Variants in GINS2 observed in about 807,000 individuals in gnomAD.
The protein encoded by GINS2 is DNA replication complex GINS protein PSF2.
In GINS2, 23 loss-of-function variants were observed where a neutral mutation model predicts 21.2. The ratio of observed to expected loss-of-function variants is 1.08; its 90% CI spans 0.78 to 1.53. The LOEUF is 1.53. Among genes scored for constraint, GINS2 ranks in the 40% most tolerant of loss-of-function variants. The pLI is 0.00. For missense variants in GINS2, 323 were observed against 233.9 expected, an observed-to-expected ratio of 1.38 and a Z score of -2.49; for synonymous variants, 118 against 85.6, an observed-to-expected ratio of 1.38 and a Z score of -2.09.
intron 2 of GINS2, among the ~76,000 whole-genome samples, chr16:85,684,010 T>C (rs145309666): frequency 1.3e-5 from 2 of 152,266 alleles, no homozygotes; most frequent in East Asian, 1.9e-4. Context: ...AAAAGAAACA[T>C]ATCCATGAAA....
chr16:85,688,754 A>C, intron 1 of GINS2, 55 bp downstream of exon 1: 1 of 1,128,358 alleles, frequency 8.9e-7, no homozygotes, highest in East Asian at 3.1e-5. Flanking sequence ...GCCACGCGGG[A>C]GCCCCGGACG....
chr16:85,681,681 T>C lies in GINS2; in HGVS notation c.206A>G (p.Glu69Gly). 2 of 1,587,842 alleles carry C rather than the reference T, an allele frequency of 1.3e-6. No homozygotes were observed. The highest frequency in any genetic ancestry group is 8.6e-7 in the Non-Finnish European group (1 of 1,156,978). ...RLLPPEWMDV[E>G]KLEKMRDHER... The stretch of plus-strand genomic sequence containing the variant: ...ATGATCCCTCATCTTCTCCAACTTT[T>C]CTGAAATTTAGAAGTTAATACATTT... Residue 69 changes from glutamate to glycine, a missense_variant and splice_region_variant, in exon 3 of 5, where the codon GAA becomes GGA. Coordinates refer to ENST00000253462, the MANE Select transcript of GINS2 (RefSeq NM_016095.3).
intron 1 of GINS2, among the ~76,000 whole-genome samples, chr16:85,688,287 C>T (rs1210613039): frequency 6.6e-6 from 1 of 152,192 alleles, no homozygotes; most frequent in Non-Finnish European, 1.5e-5. Flanking sequence ...GTGGCTCCCG[C>T]CTGTCATCCC....
chr16:85,678,281 C>A lies in GINS2; in HGVS notation c.489G>T (p.Ala163=). 6.8e-6 allele frequency: 11 copies of A among 1,612,928 alleles called. No homozygotes were observed. Among genetic ancestry groups the A allele is most frequent in the Non-Finnish European group, 8.5e-6 (10 of 1,178,980 alleles). The change falls in exon 5 of 5, where the codon GCG becomes GCT. Residue 163 remains alanine, a synonymous_variant. Transcript: ENST00000253462. Reference sequence around the variant, plus strand: ...TGCGGAGTTTGTACATGTGGTTGAGCGCTTGTGTGAGGAAAGTCCCGCTGG... The same window carrying A: ...TGCGGAGTTTGTACATGTGGTTGAGAGCTTGTGTGAGGAAAGTCCCGCTGG... ...INTSGTFLTQ[A]LNHMYKLRTN...
Position 85,678,413 on chromosome 16 carries a change from A to G in GINS2, c.433-76T>C, listed in dbSNP as rs942410596. 8.3e-6 allele frequency: 13 copies of G among 1,572,142 alleles called. 1 individual carries two copies. In the East Asian group the frequency reaches 1.3e-4, roughly 16 times the overall value. Reference sequence around the variant, plus strand: ...AAAAGGTAAACTCTACTGAATAAAAATAAGAAACCAATGAACTGTTGAAAA... The same window carrying G: ...AAAAGGTAAACTCTACTGAATAAAAGTAAGAAACCAATGAACTGTTGAAAA... On this transcript the variant is annotated intron_variant, in intron 4 of 4. Transcript: ENST00000253462.
chr16:85,678,886 G>T, intron 3 of GINS2, among the ~76,000 whole-genome samples: 1 of 152,188 alleles, frequency 6.6e-6, no homozygotes, highest in East Asian at 1.9e-4. Context: ...CTATCCCATG[G>T]CAGGCTGCTG....
intron 3 of GINS2, among the ~76,000 whole-genome samples, chr16:85,679,808 A>G (rs2152051027): frequency 6.6e-6 from 1 of 152,194 alleles, no homozygotes; most frequent in African/African-American, 2.4e-5. Flanking sequence ...CACCACCACT[A>G]CAGTCTCTCT....
At chr16:85,685,292 T>G (rs1224905274) in intron 2 of GINS2, among the ~76,000 whole-genome samples, 1 of 152,132 alleles carries the variant, frequency 6.6e-6, no homozygotes, top group Non-Finnish European at 1.5e-5. Flanking sequence ...GGGGTCTAGA[T>G]GGGACAAAAG....
At chr16:85,687,352 G>A (rs1486100673) in intron 2 of GINS2, 108 bp downstream of exon 2, 2 of 596,770 alleles carry the variant, frequency 3.4e-6, no homozygotes, top group African/African-American at 3.8e-5. Context: ...AACAGAGGGA[G>A]CACGGACCTA....
At position 85,685,877 on chromosome 16, in the gene GINS2, G is replaced by A. The variant is rs1433877521; in HGVS notation, c.205+1583C>T. On this transcript the variant is annotated intron_variant, in intron 2 of 4. Coordinates refer to ENST00000253462, the MANE Select transcript of GINS2 (RefSeq NM_016095.3). ...TACCCCCAATAAGTCCCAGTAAGGA[G>A]GGGGCAGTCAAAATCACTCACGGCT... Among the ~76,000 whole-genome samples, 4 of 151,546 alleles carry A rather than the reference G, an allele frequency of 2.6e-5. No homozygotes were observed. The East Asian group carries it at 7.8e-4, about 29-fold the overall frequency.
intron 3 of GINS2, among the ~76,000 whole-genome samples, chr16:85,680,212 G>T (rs1294035311): frequency 6.6e-6 from 1 of 152,190 alleles, no homozygotes; most frequent in Admixed American, 6.5e-5. Context: ...TTGGTGCATT[G>T]CTGCTTCTCA....
intron 2 of GINS2, among the ~76,000 whole-genome samples, 154 bp downstream of exon 2, chr16:85,687,306 T>G (rs931100025): frequency 1.3e-5 from 2 of 152,256 alleles, no homozygotes; most frequent in African/African-American, 4.8e-5. Context: ...GAGGTGAATC[T>G]GGAAGTATTC....
At chr16:85,687,599 G>A (rs766852232) in intron 1 of GINS2, 25 bp from the exon 2 acceptor site, 10 of 1,368,688 alleles carry the variant, frequency 7.3e-6, no homozygotes, top group East Asian at 2.4e-5. Flanking sequence ...ACAATTCCCC[G>A]TAAGATTGAA....
At chr16:85,678,434 G>A (rs2053703912) in intron 4 of GINS2, 97 bp from the exon 5 acceptor site, 1 of 1,554,706 alleles carries the variant, frequency 6.4e-7, no homozygotes. Context: ...ATGAACTGTT[G>A]AAAAGCACAG....
At chr16:85,680,897 A>G (rs1255964793) in intron 3 of GINS2, among the ~76,000 whole-genome samples, 1 of 152,230 alleles carries the variant, frequency 6.6e-6, no homozygotes, top group Non-Finnish European at 1.5e-5. Flanking sequence ...TAGGCTGTAC[A>G]CTGCTTGAAC....
In GINS2 at chr16:85,676,496, G is replaced by C. The variant is rs1211776431; in HGVS notation, c.*1716C>G. ...CTTTTGGTCCCAGTCTTCCAGGTCT[G>C]ACCCTTCAGTGTCCAAATAACCACC... On this transcript the variant is annotated 3_prime_UTR_variant, in exon 5 of 5. Coordinates refer to ENST00000253462, the MANE Select transcript of GINS2 (RefSeq NM_016095.3). The C allele has an allele frequency of 6.6e-6, 1 of 152,272 alleles. No individual in the cohort carries two copies. Among genetic ancestry groups the C allele is most frequent in the African/African-American group, 2.4e-5 (1 of 41,468 alleles). The allele number at this position is 152,272 out of a possible 1,614,324, so 9.4% of individuals were successfully genotyped here.
chr16:85,686,340 C>T (rs1207726080), intron 2 of GINS2, among the ~76,000 whole-genome samples: 3 of 151,842 alleles, frequency 2.0e-5, no homozygotes, highest in Non-Finnish European at 2.9e-5. Flanking sequence ...ATGGTGTGAA[C>T]CCAGGAGGTG....
rs554213584 is a variant in GINS2 at position 85,685,327 on chromosome 16, G to A, written c.205+2133C>T. 2.6e-5 allele frequency among the ~76,000 whole-genome samples: 4 copies of A among 152,186 alleles called. No homozygotes were observed. In the East Asian group the frequency reaches 7.7e-4, roughly 29 times the overall value. ...GTGCCAGACACTGATTTTAAACAAG[G>A]GGCCTGGAGAGGATGCTGCATTAAT... On this transcript the variant is annotated intron_variant, in intron 2 of 4. Coordinates refer to ENST00000253462, the MANE Select transcript of GINS2 (RefSeq NM_016095.3).
intron 2 of GINS2, among the ~76,000 whole-genome samples, chr16:85,686,059 G>A (rs964781685): frequency 1.3e-5 from 2 of 151,910 alleles, no homozygotes; most frequent in Admixed American, 1.3e-4. Flanking sequence ...AGAAGAAAAA[G>A]ATTTCAAAGG....
Sources: allele counts gnomAD v4.1 joint callset (sites outside exome capture counted in the v4.1 genomes callset), GRCh38; gene constraint gnomAD v4.1.1; transcripts MANE v1.5; gene names NCBI Gene and HGNC (gene_info 2026-07-23, HGNC 2026-07-21).